PIH1D2: variants seen among roughly 807,000 people sequenced by gnomAD.
PIH1D2 encodes PIH1 domain-containing protein 2.
In PIH1D2, 25 loss-of-function variants were observed where a neutral mutation model predicts 31.2. The observed-to-expected ratio is 0.80, with a 90% CI of 0.58 to 1.12. The LOEUF is 1.12. Ranked by LOEUF, PIH1D2 falls within the 50% of genes most tolerant of loss-of-function variation. PIH1D2 has a pLI of 0.00. For synonymous variants in PIH1D2, 116 were observed against 119.9 expected, an observed-to-expected ratio of 0.97 and a Z score of 0.21; for missense variants, 310 against 356.6, an observed-to-expected ratio of 0.87 and a Z score of 1.05.
Position 112,073,029 on chromosome 11 carries a change from T to C in PIH1D2, c.146A>G (p.Glu49Gly). ...KEGKQLCAAP[E>G]PQLCLQTRIL... ...CCTGGTCTGTAGACAAAGCTGTGGTTCTGGGGCAGCACAGAGCTGTTTCCC... is the reference window on the plus strand; with the variant it reads ...CCTGGTCTGTAGACAAAGCTGTGGTCCTGGGGCAGCACAGAGCTGTTTCCC... Residue 49 changes from glutamate (E) to glycine (G), a missense_variant, in exon 2 of 6, where the codon GAA (glutamate) becomes GGA (glycine). Coordinates refer to ENST00000280350, the MANE Select transcript of PIH1D2 (RefSeq NM_138789.4). 1 of 1,613,772 alleles carries C rather than the reference T, an allele frequency of 6.2e-7. No homozygotes were observed. The highest frequency in any genetic ancestry group is 1.1e-5 in the South Asian group (1 of 91,040).
downstream of PIH1D2, chr11:112,059,790 A>C (rs587704949): frequency 3.6e-6 from 3 of 842,150 alleles, no homozygotes; most frequent in African/African-American, 5.2e-5. Flanking sequence ...GCTGAACAAT[A>C]ACACACATTG....
At chr11:112,060,130 A>G (rs1302738946), downstream of PIH1D2, 82 of 1,228,618 alleles carry the variant, frequency 6.7e-5, no homozygotes, top group Non-Finnish European at 7.5e-5. Context: ...CATTTATTGC[A>G]TTTTTCACCT....
intron 5 of PIH1D2, among the ~76,000 whole-genome samples, chr11:112,069,464 A>C (rs1865044451): frequency 6.6e-6 from 1 of 152,176 alleles, no homozygotes; most frequent in Non-Finnish European, 1.5e-5. Context: ...ACCAGCCTGG[A>C]CTAAAAGAAA....
chr11:112,053,512 G>C, the PIH1D2 span, among the ~76,000 whole-genome samples: 3 of 151,994 alleles, frequency 2.0e-5, no homozygotes, highest in African/African-American at 7.3e-5. Context: ...GAGTGCAGTG[G>C]CGTGATCTTG....
chr11:112,059,519 A>G (rs1864401786), downstream of PIH1D2, among the ~76,000 whole-genome samples: 1 of 152,048 alleles, frequency 6.6e-6, no homozygotes, highest in African/African-American at 2.4e-5. Context: ...CAGCCTCCTG[A>G]GTAGCTGGCA....
chr11:112,068,973 ATT>A (rs1159827826), intron 5 of PIH1D2, among the ~76,000 whole-genome samples: 5 of 134,394 alleles, frequency 3.7e-5, no homozygotes, highest in African/African-American at 1.2e-4. Flanking sequence ...AAACCTCTGA[ATT>A]TTTTTTGTTT....
At chr11:112,058,634 G>A (rs1337326936), downstream of PIH1D2, among the ~76,000 whole-genome samples, 11 of 130,888 alleles carry the variant, frequency 8.4e-5, no homozygotes, top group Admixed American at 6.0e-4. Context: ...GTGGGGGGGG[G>A]GAATCACCTT....
chr11:112,072,559 A>AC, intron 2 of PIH1D2, among the ~76,000 whole-genome samples: 1 of 146,796 alleles, frequency 6.8e-6, no homozygotes, highest in Non-Finnish European at 1.5e-5. Flanking sequence ...CAAAAAAAAA[A>AC]AAAAAAAAAA....
rs1865080100 is a variant in PIH1D2 at position 112,070,683 on chromosome 11, A to C, written c.566T>G (p.Ile189Arg). The stretch of plus-strand genomic sequence containing the variant: ...TGGATTGCTCATAGTACTGCTTCGT[A>C]TCTGTCCAAGAGTTAGTTCTTTATG... ...KMRRELTLGQ[I>R]RSSTMSNPDH... The change falls in exon 5 of 6, where the codon ATA becomes AGA. Residue 189 changes from isoleucine (I) to arginine (R), a missense_variant. Physicochemically the swap from Ile to Arg is moderately conservative, Grantham distance 97. Coordinates refer to ENST00000280350, the MANE Select transcript of PIH1D2 (RefSeq NM_138789.4). 8.7e-6 allele frequency: 14 copies of C among 1,614,136 alleles called. No homozygotes were observed. Among genetic ancestry groups the C allele is most frequent in the Non-Finnish European group, 1.2e-5 (14 of 1,180,000 alleles).
chr11:112,070,929 T>C, intron 4 of PIH1D2, 109 bp downstream of exon 4: 1 of 1,326,640 alleles, frequency 7.5e-7, no homozygotes, highest in Non-Finnish European at 1.0e-6. Flanking sequence ...CATTTTTCTA[T>C]CTTAAGTTTT....
At chr11:112,071,996 G>A (rs950896462) in intron 2 of PIH1D2, among the ~76,000 whole-genome samples, 1 of 152,144 alleles carries the variant, frequency 6.6e-6, no homozygotes. Flanking sequence ...GGGAGGCTGA[G>A]GCAGGAGAAT....
At chr11:112,072,923 G>T in intron 2 of PIH1D2, 75 bp downstream of exon 2, 1 of 1,325,470 alleles carries the variant, frequency 7.5e-7, no homozygotes, top group Non-Finnish European at 1.0e-6. Flanking sequence ...CAATACCTAA[G>T]TGTAAAGTAT....
chr11:112,070,105 T>C (rs1282047440), intron 5 of PIH1D2: 2 of 476,098 alleles, frequency 4.2e-6, no homozygotes, highest in East Asian at 6.8e-5. Flanking sequence ...CCCTGCCATA[T>C]GACTTCCTGT....
At chr11:112,057,532 C>T in the PIH1D2 span, among the ~76,000 whole-genome samples, 4 of 152,260 alleles carry the variant, frequency 2.6e-5, no homozygotes, top group East Asian at 5.8e-4. Flanking sequence ...GTTGCTGATA[C>T]GGAGAAAGTT....
At position 112,072,893 on chromosome 11, in the gene PIH1D2, A is replaced by G. The variant is rs797027734; in HGVS notation, c.177+105T>C. 2.5e-6 allele frequency: 3 copies of G among 1,211,800 alleles called. No individual in the cohort carries two copies. The African/African-American group carries it at 5.0e-5, about 20-fold the overall frequency. 75.1% of individuals were successfully genotyped at this position (1,211,800 alleles called of 1,614,324 possible). ...ACAAAACAAAACAAAACAAAACAAA[A>G]AAAAAACAAAAAAAATTAGCAATAC... On this transcript the variant is annotated intron_variant, in intron 2 of 5. Transcript: ENST00000280350.
At chr11:112,058,377 T>A (rs1864247216), downstream of PIH1D2, among the ~76,000 whole-genome samples, 1 of 152,196 alleles carries the variant, frequency 6.6e-6, no homozygotes, top group Non-Finnish European at 1.5e-5. Flanking sequence ...TGTTTGCAAG[T>A]GACAAAATCC....
downstream of PIH1D2, among the ~76,000 whole-genome samples, chr11:112,064,842 ATTT>A (rs11412850): frequency 7.4e-6 from 1 of 134,922 alleles, no homozygotes; most frequent in Admixed American, 7.7e-5. Flanking sequence ...TGGTCTCCAA[ATTT>A]TTTTTTTTTT....
the PIH1D2 span, among the ~76,000 whole-genome samples, chr11:112,053,033 T>C: frequency 6.6e-6 from 1 of 152,152 alleles, no homozygotes; most frequent in African/African-American, 2.4e-5. Flanking sequence ...TTACTAATAT[T>C]TATTAATATT....
At chr11:112,066,574 G>C (rs1330615187), downstream of PIH1D2, among the ~76,000 whole-genome samples, 4 of 150,656 alleles carry the variant, frequency 2.7e-5, no homozygotes, top group Admixed American at 2.0e-4. Context: ...GGAGGTGGAG[G>C]TTTCAGTGAG....
Sources: gnomAD v4.1 joint callset for allele counts (sites outside exome capture counted in the v4.1 genomes callset) on GRCh38, gnomAD v4.1.1 for gene constraint, MANE v1.5 for transcripts, NCBI Gene and HGNC (gene_info 2026-07-23, HGNC 2026-07-21) for gene names.